Variants in NHSL2 observed in about 807,000 individuals in gnomAD.
NHSL2 encodes NHS-like protein 2.
In NHSL2, 27 loss-of-function variants were observed where a neutral mutation model predicts 53.4. That is an observed-to-expected ratio of 0.51 (90% CI 0.37 to 0.70). NHSL2 has a LOEUF of 0.70. Ranked by LOEUF, NHSL2 falls within the 30% of genes least tolerant of loss-of-function variation. The pLI, the probability that NHSL2 is intolerant of heterozygous loss-of-function variation, is 0.00. For missense variants in NHSL2, 892 were observed against 980.1 expected, an observed-to-expected ratio of 0.91 and a Z score of 1.20; for synonymous variants, 408 against 404.1, an observed-to-expected ratio of 1.01 and a Z score of -0.12.
intron 1 of NHSL2, among the ~76,000 whole-genome samples, chrX:71,984,835 T>C (rs983033719): frequency 9.4e-6 from 1 of 106,786 alleles, no homozygotes; most frequent in African/African-American, 3.4e-5. Flanking sequence ...CCTTTTTTTT[T>C]TTTTTTGAGA....
chrX:72,065,155 T>C lies in NHSL2; in HGVS notation c.281-66924T>C, dbSNP rs766183501. 1.1e-3 allele frequency among the ~76,000 whole-genome samples: 126 copies of C among 111,679 alleles called. 1 individual carries two copies. The highest frequency in any genetic ancestry group is 3.9e-3 in the African/African-American group (119 of 30,689). ...AACAAGGACCAAGCATGTGGAGCTT[T>C]CAGAGGGATCATCAAGGAGCAAAGG... On this transcript the variant is annotated intron_variant, in intron 1 of 7. Transcript: ENST00000633930.
intron 1 of NHSL2, among the ~76,000 whole-genome samples, chrX:72,011,193 C>T (rs970320237): frequency 8.9e-6 from 1 of 111,998 alleles, no homozygotes; most frequent in African/African-American, 3.2e-5. Context: ...GACCGTTTAT[C>T]CATTCACCCA....
intron 1 of NHSL2, among the ~76,000 whole-genome samples, chrX:71,950,319 G>A (rs756549002): frequency 8.9e-6 from 1 of 112,648 alleles, no homozygotes; most frequent in Non-Finnish European, 1.9e-5. Context: ...GGAAGTAACA[G>A]TCCCAATGCC....
At chrX:72,085,715 G>GTTTTTTTTTTTTTTTTTTTGT (rs367789526) in intron 1 of NHSL2, among the ~76,000 whole-genome samples, 1 of 92,606 alleles carries the variant, frequency 1.1e-5, no homozygotes, top group Non-Finnish European at 2.1e-5. Context: ...TTTTTTTTTT[G>GTTTTTTTTTTTTTTTTTTTGT]TTTTTTTTTT....
chrX:72,039,147 C>CTTTCCTTTCCTTTCCTTTCCT (rs1251400322), intron 1 of NHSL2, among the ~76,000 whole-genome samples: 8 of 69,515 alleles, frequency 1.2e-4, no homozygotes, highest in Admixed American at 1.8e-4. Context: ...CTTTCCTTTC[C>CTTTCCTTTCCTTTCCTTTCCT]TTCCTTGTCT....
intron 1 of NHSL2, among the ~76,000 whole-genome samples, chrX:71,932,572 CT>C (rs2041718903): frequency 9.0e-6 from 1 of 111,470 alleles, no homozygotes; most frequent in African/African-American, 3.3e-5. Flanking sequence ...GATGGCAACC[CT>C]GCAGAGGAGG....
chrX:72,016,237 A>G (rs1456994397), intron 1 of NHSL2, among the ~76,000 whole-genome samples: 1 of 112,380 alleles, frequency 8.9e-6, no homozygotes, highest in African/African-American at 3.2e-5. Flanking sequence ...TGAATAGTCC[A>G]TTCTTTCACC....
At chrX:71,985,334 G>A in intron 1 of NHSL2, among the ~76,000 whole-genome samples, 1 of 111,977 alleles carries the variant, frequency 8.9e-6, no homozygotes, top group Non-Finnish European at 1.9e-5. Context: ...GACAAGGTAT[G>A]AGGCCAGTTT....
At chrX:71,942,033 C>T (rs1010725937) in intron 1 of NHSL2, among the ~76,000 whole-genome samples, 2 of 107,876 alleles carry the variant, frequency 1.9e-5, no homozygotes, top group Non-Finnish European at 3.8e-5. Context: ...AAGTCCAGCT[C>T]AGATTTGGAA....
chrX:72,010,998 A>C (rs2042113180), intron 1 of NHSL2, among the ~76,000 whole-genome samples: 1 of 112,432 alleles, frequency 8.9e-6, no homozygotes, highest in African/African-American at 3.2e-5. Flanking sequence ...AGTTGTTTCA[A>C]CCAGGTTATG....
intron 1 of NHSL2, among the ~76,000 whole-genome samples, chrX:71,920,611 G>A (rs1393729612): frequency 9.0e-6 from 1 of 111,508 alleles, no homozygotes; most frequent in East Asian, 2.8e-4. Flanking sequence ...AAGAACTCCT[G>A]TTATAGATGT....
chrX:72,085,238 C>T (rs1047319399), intron 1 of NHSL2, among the ~76,000 whole-genome samples: 2 of 111,963 alleles, frequency 1.8e-5, no homozygotes, highest in African/African-American at 6.5e-5. Flanking sequence ...CTCCCCTGTA[C>T]CACCCAGCCC....
At chrX:72,017,482 A>G (rs149928997) in intron 1 of NHSL2, among the ~76,000 whole-genome samples, 1,281 of 112,783 alleles carry the variant, frequency 0.011, 14 homozygotes, top group African/African-American at 0.039. Flanking sequence ...TAGGCCCAGA[A>G]AGACATTCAG....
chrX:71,927,131 C>T (rs1018181295), intron 1 of NHSL2, among the ~76,000 whole-genome samples: 3 of 112,049 alleles, frequency 2.7e-5, no homozygotes, highest in Non-Finnish European at 3.8e-5. Flanking sequence ...CAAAAATACG[C>T]GAGCAAGCCT....
At chrX:72,065,412 A>G (rs534474711) in intron 1 of NHSL2, among the ~76,000 whole-genome samples, 1 of 112,446 alleles carries the variant, frequency 8.9e-6, no homozygotes, top group African/African-American at 3.2e-5. Context: ...TCTATGTTTA[A>G]GGACAAATGA....
chrX:72,074,956 G>T (rs982131551), intron 1 of NHSL2, among the ~76,000 whole-genome samples: 1 of 112,018 alleles, frequency 8.9e-6, no homozygotes, highest in Non-Finnish European at 1.9e-5. Flanking sequence ...TTTGTGCAAA[G>T]AATAATAAAA....
chrX:72,018,551 G>A (rs944888010), intron 1 of NHSL2, among the ~76,000 whole-genome samples: 4 of 112,945 alleles, frequency 3.5e-5, no homozygotes, highest in African/African-American at 9.6e-5. Context: ...CCGGCCCCCG[G>A]GCTGCTTTTC....
intron 1 of NHSL2, among the ~76,000 whole-genome samples, chrX:71,924,396 T>C (rs1156264350): frequency 8.9e-6 from 1 of 112,048 alleles, no homozygotes; most frequent in Non-Finnish European, 1.9e-5. Flanking sequence ...TTCCTCCAGG[T>C]AGCCTACCCT....
intron 1 of NHSL2, among the ~76,000 whole-genome samples, chrX:72,097,894 C>T (rs1478388058): frequency 6.2e-5 from 7 of 112,109 alleles, no homozygotes; most frequent in African/African-American, 2.3e-4. Flanking sequence ...TCTCCAGTGC[C>T]TCCTGCATTT....
Sources: gnomAD v4.1 joint callset for allele counts (sites outside exome capture counted in the v4.1 genomes callset) on GRCh38, gnomAD v4.1.1 for gene constraint, MANE v1.5 for transcripts, NCBI Gene and HGNC (gene_info 2026-07-23, HGNC 2026-07-21) for gene names.